RD3: variants seen among roughly 807,000 people sequenced by gnomAD.
RD3 encodes the protein RD3 regulator of GUCY2D.
A neutral mutation model predicts 16.9 loss-of-function variants in RD3; 11 were observed. The observed-to-expected ratio is 0.65, with a 90% CI of 0.41 to 1.08. RD3 has a LOEUF of 1.08. RD3 is among the 50% of genes least tolerant of loss of function. The pLI is 0.00. For synonymous variants in RD3, 116 were observed against 114.8 expected, an observed-to-expected ratio of 1.01 and a Z score of -0.07; for missense variants, 274 against 267.4, an observed-to-expected ratio of 1.02 and a Z score of -0.17.
chr1:211,485,472 C>T (rs186901395), intron 1 of RD3, among the ~76,000 whole-genome samples: 1 of 152,090 alleles, frequency 6.6e-6, no homozygotes, highest in South Asian at 2.1e-4. Context: ...GAGGGAGAGA[C>T]AGAGGGAGGA....
At chr1:211,488,154 A>G (rs1214527172) in intron 1 of RD3, among the ~76,000 whole-genome samples, 1 of 152,224 alleles carries the variant, frequency 6.6e-6, no homozygotes, top group Non-Finnish European at 1.5e-5. Flanking sequence ...GCAGGAGACA[A>G]TATGTGAAAA....
intron 1 of RD3, among the ~76,000 whole-genome samples, chr1:211,490,543 G>T (rs887242746): frequency 6.6e-6 from 1 of 152,246 alleles, no homozygotes; most frequent in Non-Finnish European, 1.5e-5. Context: ...GACGCCAGAC[G>T]CTCAGTCTGG....
rs1705204006 is a variant in RD3 at position 211,478,944 on chromosome 1, A to C, written c.*92T>G. Reference sequence around the variant, plus strand: ...CCTCTTGGGTCTCCTCGTCAGGCCTAGGTGGGGAGGTTCCAGGGCCCGGCG... The same window carrying C: ...CCTCTTGGGTCTCCTCGTCAGGCCTCGGTGGGGAGGTTCCAGGGCCCGGCG... On this transcript the variant is annotated 3_prime_UTR_variant, in exon 3 of 3. Transcript: ENST00000680073. 1 of 1,241,970 alleles carries C rather than the reference A, an allele frequency of 8.1e-7. No homozygotes were observed. The allele number at this position is 1,241,970 out of a possible 1,614,324, so 76.9% of individuals were successfully genotyped here. A position where few individuals can be genotyped will look rare whatever the true frequency, so the allele number is the denominator to read the frequency against.
chr1:211,485,097 G>A (rs896410907), intron 1 of RD3, among the ~76,000 whole-genome samples: 5 of 152,226 alleles, frequency 3.3e-5, no homozygotes, highest in African/African-American at 9.6e-5. Context: ...ACAGTCTGGG[G>A]TGCAGCCTGT....
intron 1 of RD3, among the ~76,000 whole-genome samples, chr1:211,489,345 T>G (rs1195397738): frequency 1.3e-5 from 2 of 152,040 alleles, no homozygotes; most frequent in African/African-American, 4.8e-5. Context: ...TCTTTAGTTA[T>G]GAATGAGGGT....
chr1:211,485,478 G>A (rs1271394984), intron 1 of RD3, among the ~76,000 whole-genome samples: 2 of 152,192 alleles, frequency 1.3e-5, no homozygotes, highest in African/African-American at 4.8e-5. Flanking sequence ...GAGACAGAGG[G>A]AGGAAGAACA....
chr1:211,491,005 C>T (rs903971634), intron 1 of RD3, among the ~76,000 whole-genome samples: 1 of 152,242 alleles, frequency 6.6e-6, no homozygotes, highest in African/African-American at 2.4e-5. Context: ...ACTTGATAAG[C>T]GGTTCCTGAA....
chr1:211,481,364 T>G lies in RD3; in HGVS notation c.52A>C (p.Thr18Pro), dbSNP rs1373093284. 8 of 1,613,882 alleles carry G rather than the reference T, an allele frequency of 5.0e-6. No homozygotes were observed. The South Asian group carries it at 8.8e-5, about 18-fold the overall frequency. The change falls in exon 2 of 3, where the codon ACC (threonine) becomes CCC (proline). Residue 18 changes from threonine to proline, a missense_variant. Transcript: ENST00000680073. ...RWNEAPSRLS[T>P]RSPAEMVLET... The stretch of plus-strand genomic sequence containing the variant: ...AGCACCATCTCAGCAGGGCTCCTGG[T>G]GGACAGCCGGGATGGGGCCTCGTTC...
In RD3 at chr1:211,479,269, G is replaced by A. The variant is rs756475390; in HGVS notation, c.355C>T (p.Arg119Cys). 3.1e-6 allele frequency: 5 copies of A among 1,605,830 alleles called. No homozygotes were observed. The South Asian group carries it at 5.6e-5, about 18-fold the overall frequency. The change falls in exon 3 of 3, where the codon CGC becomes TGC. Residue 119 changes from arginine to cysteine, a missense_variant. Arg to Cys is a radical substitution (Grantham distance 180, BLOSUM62 -3). Transcript: ENST00000680073. ...PEVQEVSQLF[R>C]SVLQEVLERM... ...TCCAGGACCTCCTGCAGCACCGAGC[G>A]GAAGAGCTGGGACACCTCCTGCACC...
chr1:211,486,486 G>C (rs12756223), intron 1 of RD3, among the ~76,000 whole-genome samples: 35,193 of 149,556 alleles, frequency 0.24, 4,280 homozygotes, highest in Non-Finnish European at 0.27. Context: ...GCAACAAAGA[G>C]AGACTCCGAC....
chr1:211,478,736 G>A lies in RD3; in HGVS notation c.*300C>T. On this transcript the variant is annotated 3_prime_UTR_variant, in exon 3 of 3. Transcript: ENST00000680073. ...TTAGACAGAACCAGGAGATGAGGAT[G>A]GGGCAATGGTCTGTCTTCCAAAACC... The A allele has an allele frequency of 4.7e-6, 2 of 421,530 alleles. No homozygotes were observed. The highest frequency in any genetic ancestry group is 8.5e-6 in the Non-Finnish European group (2 of 236,254). The allele number at this position is 421,530 out of a possible 1,614,324, so 26.1% of individuals were successfully genotyped here.
intron 1 of RD3, among the ~76,000 whole-genome samples, chr1:211,490,189 G>A (rs1571564229): frequency 6.6e-6 from 1 of 152,348 alleles, no homozygotes; most frequent in East Asian, 1.9e-4. Flanking sequence ...TCAATGGTGG[G>A]AACAATGGGG....
chr1:211,479,921 C>T (rs1008179594), intron 2 of RD3, among the ~76,000 whole-genome samples: 2 of 152,324 alleles, frequency 1.3e-5, no homozygotes, highest in African/African-American at 4.8e-5. Flanking sequence ...TTTACTCTGC[C>T]TAGGCTATCT....
chr1:211,478,587 C>T lies in RD3; in HGVS notation c.*449G>A. On this transcript the variant is annotated 3_prime_UTR_variant, in exon 3 of 3. Coordinates refer to ENST00000680073, the MANE Select transcript of RD3 (RefSeq NM_001164688.2). ...AGTGGTGAGCTCAGCCAGTCACTAG[C>T]AAGAAGGCATACCAGCCAACAGGTC... 1 of 216,888 alleles carries T rather than the reference C, an allele frequency of 4.6e-6. No homozygotes were observed. Among genetic ancestry groups the T allele is most frequent in the Non-Finnish European group, 9.0e-6 (1 of 111,074 alleles). 13.4% of individuals were successfully genotyped at this position (216,888 alleles called of 1,614,324 possible). A position where few individuals can be genotyped will look rare whatever the true frequency, so the allele number is the denominator to read the frequency against.
chr1:211,478,896 A>T lies in RD3; in HGVS notation c.*140T>A. On this transcript the variant is annotated 3_prime_UTR_variant, in exon 3 of 3. Coordinates refer to ENST00000680073, the MANE Select transcript of RD3 (RefSeq NM_001164688.2). ...GGGGCAGGGAGTCGCTTCATTTTAT[A>T]GCAGCGTCTTGGGATGGGGCCGCCT... 3 of 709,640 alleles carry T rather than the reference A, an allele frequency of 4.2e-6. No individual in the cohort carries two copies. The highest frequency in any genetic ancestry group is 4.5e-6 in the Non-Finnish European group (2 of 446,362). The allele number at this position is 709,640 out of a possible 1,614,324, so 44.0% of individuals were successfully genotyped here.
chr1:211,489,882 G>A (rs547822117), intron 1 of RD3, among the ~76,000 whole-genome samples: 69 of 152,210 alleles, frequency 4.5e-4, no homozygotes, highest in African/African-American at 1.5e-3. Flanking sequence ...GGAAGCCCTC[G>A]CACGTTCTGT....
chr1:211,488,459 C>T (rs186041379), intron 1 of RD3, among the ~76,000 whole-genome samples: 99 of 147,710 alleles, frequency 6.7e-4, no homozygotes, highest in African/African-American at 2.2e-3. Context: ...TGCTTGAACC[C>T]GGGAGGTGGA....
intron 1 of RD3, among the ~76,000 whole-genome samples, chr1:211,486,416 T>C (rs1558181486): frequency 6.6e-6 from 1 of 151,416 alleles, no homozygotes; most frequent in Non-Finnish European, 1.5e-5. Flanking sequence ...GAAGAATCGA[T>C]TGAACCTGGG....
At chr1:211,488,748 G>C (rs1030776701) in intron 1 of RD3, among the ~76,000 whole-genome samples, 1 of 152,116 alleles carries the variant, frequency 6.6e-6, no homozygotes, top group Non-Finnish European at 1.5e-5. Context: ...TGGGAGCCGG[G>C]GTGGGGACAG....
Sources: allele counts gnomAD v4.1 joint callset (sites outside exome capture counted in the v4.1 genomes callset), GRCh38; gene constraint gnomAD v4.1.1; transcripts MANE v1.5; gene names NCBI Gene and HGNC (gene_info 2026-07-23, HGNC 2026-07-21).